SPIDR: variants seen among roughly 807,000 people sequenced by gnomAD.
SPIDR encodes the protein scaffold protein involved in DNA repair.
Under a neutral mutation model 104.6 loss-of-function variants are expected in SPIDR, and 93 were observed. The observed-to-expected ratio is 0.89, with a 90% CI of 0.75 to 1.06. SPIDR has a LOEUF of 1.06. SPIDR is among the 50% of genes least tolerant of loss of function. SPIDR has a pLI of 0.00. For synonymous variants in SPIDR, 431 were observed against 416.9 expected (o/e 1.03, Z -0.41); for missense variants, 1,154 against 1,111.2 (o/e 1.04, Z -0.55).
At chr8:47,290,513 T>C (rs2039711033) in intron 3 of SPIDR, among the ~76,000 whole-genome samples, 1 of 152,196 alleles carries the variant, frequency 6.6e-6, no homozygotes, top group African/African-American at 2.4e-5. Flanking sequence ...TTTTCTCTTA[T>C]TTCTTACAAC....
chr8:47,609,714 T>C (rs2063383747), intron 10 of SPIDR, among the ~76,000 whole-genome samples: 1 of 152,214 alleles, frequency 6.6e-6, no homozygotes, highest in Non-Finnish European at 1.5e-5. Flanking sequence ...GTAAATAATA[T>C]GAAAGTAATA....
intron 1 of SPIDR, among the ~76,000 whole-genome samples, chr8:47,277,479 C>T (rs2036747768): frequency 6.6e-6 from 1 of 151,606 alleles, no homozygotes; most frequent in Non-Finnish European, 1.5e-5. Context: ...GATTGTCTCG[C>T]TTCAGCCTCC....
At chr8:47,360,837 G>A (rs1480981235) in intron 5 of SPIDR, 1 of 985,318 alleles carries the variant, frequency 1.0e-6, no homozygotes, top group African/African-American at 1.7e-5. Flanking sequence ...AAGGTATCTG[G>A]TGGTGTTTTC....
At chr8:47,703,718 T>G (rs2080663949) in intron 14 of SPIDR, among the ~76,000 whole-genome samples, 2 of 152,248 alleles carry the variant, frequency 1.3e-5, no homozygotes, top group South Asian at 4.1e-4. Context: ...AAAACCATAC[T>G]TAGCTTACAG....
rs186499798 is a variant in SPIDR at position 47,678,592 on chromosome 8, A to G, written c.1685+4651A>G. ...CAGAGAGCGGAGGCTCAGAGCACCC[A>G]CTTTGGAGGGGGTGCAGAGGGTGGG... On this transcript the variant is annotated intron_variant, in intron 11 of 19. Transcript: ENST00000297423. 1.2e-3 allele frequency among the ~76,000 whole-genome samples: 186 copies of G among 152,288 alleles called. 1 individual carries two copies. Among genetic ancestry groups the G allele is most frequent in the African/African-American group, 4.0e-3 (166 of 41,564 alleles).
chr8:47,663,923 G>C (rs1241618510), intron 10 of SPIDR, among the ~76,000 whole-genome samples: 1 of 152,208 alleles, frequency 6.6e-6, no homozygotes, highest in African/African-American at 2.4e-5. Flanking sequence ...TGAAAGACAA[G>C]CATTTAAAAT....
At chr8:47,439,641 A>G (rs1031060434) in intron 7 of SPIDR, among the ~76,000 whole-genome samples, 6 of 152,322 alleles carry the variant, frequency 3.9e-5, no homozygotes, top group Admixed American at 3.3e-4. Context: ...TATGCACACT[A>G]TCAACTTCAG....
intron 5 of SPIDR, among the ~76,000 whole-genome samples, chr8:47,313,628 A>G (rs587706898): frequency 3.3e-5 from 5 of 152,330 alleles, no homozygotes; most frequent in African/African-American, 1.2e-4. Context: ...CAAAAGAACA[A>G]AGCCGGAGGC....
At chr8:47,646,698 AC>A (rs2154449686) in intron 10 of SPIDR, among the ~76,000 whole-genome samples, 1 of 152,226 alleles carries the variant, frequency 6.6e-6, no homozygotes, top group East Asian at 1.9e-4. Context: ...ATAGAGAGAA[AC>A]TTTTGAAGCA....
chr8:47,554,777 G>A (rs2091107327), intron 8 of SPIDR, among the ~76,000 whole-genome samples: 1 of 152,162 alleles, frequency 6.6e-6, no homozygotes, highest in Non-Finnish European at 1.5e-5. Flanking sequence ...CCAGTGATAT[G>A]AACCCTGTAA....
At chr8:47,592,585 G>A (rs1187783099) in intron 8 of SPIDR, 10 of 1,255,838 alleles carry the variant, frequency 8.0e-6, no homozygotes, top group Non-Finnish European at 1.2e-5. Flanking sequence ...TTTCCTTGAT[G>A]ATCCTGCGGG....
At chr8:47,493,042 A>AGTGTGTGTGT (rs60518877) in intron 8 of SPIDR, among the ~76,000 whole-genome samples, 5 of 140,518 alleles carry the variant, frequency 3.6e-5, no homozygotes, top group African/African-American at 1.0e-4. Context: ...AGAGAGAGTG[A>AGTGTGTGTGT]GTGTGTGTGT....
chr8:47,572,648 CAA>C, intron 8 of SPIDR, among the ~76,000 whole-genome samples: 2 of 145,652 alleles, frequency 1.4e-5, no homozygotes, highest in African/African-American at 5.0e-5. Context: ...GGCGACAGAG[CAA>C]GACTCCATCT....
chr8:47,539,114 G>A (rs2154388556), intron 8 of SPIDR, among the ~76,000 whole-genome samples: 1 of 152,128 alleles, frequency 6.6e-6, no homozygotes, highest in Non-Finnish European at 1.5e-5. Context: ...ACCCGCTTCA[G>A]CCTCCCAAAG....
chr8:47,533,821 A>C (rs1357879477), intron 8 of SPIDR, among the ~76,000 whole-genome samples: 3 of 152,178 alleles, frequency 2.0e-5, no homozygotes, highest in Non-Finnish European at 4.4e-5. Flanking sequence ...TGTTGGTGGG[A>C]GTGTAAATTA....
At chr8:47,530,979 T>A (rs929832284) in intron 8 of SPIDR, among the ~76,000 whole-genome samples, 2 of 152,052 alleles carry the variant, frequency 1.3e-5, no homozygotes, top group African/African-American at 4.8e-5. Context: ...GGCGCAGTCA[T>A]GGCTTACTGC....
In SPIDR at chr8:47,547,550, G is replaced by A. The variant is rs563083555; in HGVS notation, c.1098-48261G>A. 6.6e-4 allele frequency: 117 copies of A among 178,356 alleles called. 2 individuals are homozygous for A. In the South Asian group the frequency reaches 0.012, roughly 18 times the overall value. The allele number at this position is 178,356 out of a possible 1,614,324, so 11.0% of individuals were successfully genotyped here. A position where few individuals can be genotyped will look rare whatever the true frequency, so the allele number is the denominator to read the frequency against. ...TAAGCAATTCTCCTGGCTCAGCCTC[G>A]GCCTCCTGAGTAGCTGGGATTACAG... is the stretch of plus-strand genomic sequence containing the variant. On this transcript the variant is annotated intron_variant, in intron 8 of 19. Coordinates refer to ENST00000297423, the MANE Select transcript of SPIDR (RefSeq NM_001080394.4).
At chr8:47,478,104 G>A (rs1554724671) in intron 8 of SPIDR, among the ~76,000 whole-genome samples, 1 of 152,210 alleles carries the variant, frequency 6.6e-6, no homozygotes, top group African/African-American at 2.4e-5. Flanking sequence ...GTGAGGAAAA[G>A]ATGCAGTATG....
rs544160284 is a variant in SPIDR at position 47,406,553 on chromosome 8, A to G, written c.777-1308A>G. Among the ~76,000 whole-genome samples the G allele has an allele frequency of 2.8e-3, 421 of 152,330 alleles. 1 individual carries two copies. The highest frequency in any genetic ancestry group is 9.9e-3 in the African/African-American group (411 of 41,568). Reference sequence around the variant, plus strand: ...ACTTTTTTTCTGTTACATGTACTACACGCAAGTATATTCAGAAATAGTAAC... The same window carrying G: ...ACTTTTTTTCTGTTACATGTACTACGCGCAAGTATATTCAGAAATAGTAAC... On this transcript the variant is annotated intron_variant, in intron 6 of 19. Coordinates refer to ENST00000297423, the MANE Select transcript of SPIDR (RefSeq NM_001080394.4).
Sources: allele counts gnomAD v4.1 joint callset (sites outside exome capture counted in the v4.1 genomes callset), GRCh38; gene constraint gnomAD v4.1.1; transcripts MANE v1.5; gene names NCBI Gene and HGNC (gene_info 2026-07-23, HGNC 2026-07-21).